SKAP1: variants seen among roughly 807,000 people sequenced by gnomAD.
The protein encoded by SKAP1 is src kinase-associated phosphoprotein 1.
SKAP1 carries 44 observed loss-of-function variants against 58.5 expected under a neutral mutation model. The ratio of observed to expected loss-of-function variants is 0.75; its 90% CI spans 0.59 to 0.97. The LOEUF (loss-of-function observed/expected upper bound fraction) is 0.97. Among genes scored for constraint, SKAP1 ranks in the 50% least tolerant of loss-of-function variants. SKAP1 has a pLI of 0.00. For synonymous variants in SKAP1, 127 were observed against 149.7 expected (o/e 0.85, Z 1.11); for missense variants, 390 against 435.2 (o/e 0.90, Z 0.92).
intron 5 of SKAP1, 94 bp from the exon 6 acceptor site, chr17:48,188,020 G>T: frequency 1.1e-6 from 1 of 895,126 alleles, no homozygotes; most frequent in Non-Finnish European, 1.8e-6. Context: ...GTGTGTTATT[G>T]TTTTATTTCC....
chr17:48,232,788 A>G (rs755608789), intron 4 of SKAP1, among the ~76,000 whole-genome samples: 1 of 152,216 alleles, frequency 6.6e-6, no homozygotes, highest in Admixed American at 6.5e-5. Flanking sequence ...AGTGCCTGAC[A>G]AAAGACCGTT....
At chr17:48,200,980 T>C (rs985036938) in intron 4 of SKAP1, among the ~76,000 whole-genome samples, 3 of 152,200 alleles carry the variant, frequency 2.0e-5, no homozygotes, top group East Asian at 1.9e-4. Flanking sequence ...GAATGCAATA[T>C]GGAAGTGAAT....
intron 1 of SKAP1, among the ~76,000 whole-genome samples, chr17:48,407,199 G>C (rs2067597239): frequency 6.6e-6 from 1 of 152,186 alleles, no homozygotes; most frequent in African/African-American, 2.4e-5. Flanking sequence ...GCATCATGGA[G>C]TGACAAATTC....
At chr17:48,233,274 C>A (rs1210673237) in intron 4 of SKAP1, among the ~76,000 whole-genome samples, 2 of 152,070 alleles carry the variant, frequency 1.3e-5, no homozygotes, top group Non-Finnish European at 2.9e-5. Flanking sequence ...TTAAATGGGG[C>A]TACTTTGCAA....
intron 4 of SKAP1, among the ~76,000 whole-genome samples, chr17:48,282,726 G>T (rs1054467766): frequency 6.6e-6 from 1 of 151,900 alleles, no homozygotes. Flanking sequence ...GTGAGCCAAG[G>T]TCGTCTCGCT....
At chr17:48,179,092 G>A (rs1426463890) in intron 9 of SKAP1, among the ~76,000 whole-genome samples, 1 of 152,212 alleles carries the variant, frequency 6.6e-6, no homozygotes, top group African/African-American at 2.4e-5. Flanking sequence ...AACCAGCCCT[G>A]TCTTCAGGGA....
At chr17:48,275,889 G>A (rs1207826686) in intron 4 of SKAP1, among the ~76,000 whole-genome samples, 1 of 152,192 alleles carries the variant, frequency 6.6e-6, no homozygotes, top group Non-Finnish European at 1.5e-5. Flanking sequence ...AGTAACACAA[G>A]AGGTGGGTGA....
At chr17:48,245,125 T>TG (rs953206086) in intron 4 of SKAP1, among the ~76,000 whole-genome samples, 1 of 152,190 alleles carries the variant, frequency 6.6e-6, no homozygotes, top group Non-Finnish European at 1.5e-5. Flanking sequence ...GAAGTACTGC[T>TG]GGCAGCTCCA....
chr17:48,147,051 A>G (rs2063841479), intron 11 of SKAP1, among the ~76,000 whole-genome samples: 1 of 152,218 alleles, frequency 6.6e-6, no homozygotes, highest in Non-Finnish European at 1.5e-5. Context: ...TAACAGAAAC[A>G]TTCTCTTTTC....
intron 11 of SKAP1, among the ~76,000 whole-genome samples, chr17:48,142,029 C>T (rs1467405951): frequency 6.6e-6 from 1 of 152,228 alleles, no homozygotes; most frequent in Admixed American, 6.5e-5. Context: ...TGTGATTACA[C>T]TGCCTTCTAT....
intron 4 of SKAP1, among the ~76,000 whole-genome samples, chr17:48,313,167 G>A (rs2066245735): frequency 6.6e-6 from 1 of 151,866 alleles, no homozygotes; most frequent in African/African-American, 2.4e-5. Flanking sequence ...GGAGGGCGCG[G>A]CTGGTGTGAA....
intron 1 of SKAP1, among the ~76,000 whole-genome samples, chr17:48,423,862 T>C (rs573612244): frequency 6.6e-6 from 1 of 152,112 alleles, no homozygotes; most frequent in South Asian, 2.1e-4. Context: ...GCTCAAGTGA[T>C]CCTCCCACCT....
intron 4 of SKAP1, among the ~76,000 whole-genome samples, chr17:48,253,501 G>T (rs535575141): frequency 1.3e-5 from 2 of 152,118 alleles, no homozygotes; most frequent in Non-Finnish European, 2.9e-5. Context: ...AAAATTACAC[G>T]TGGCATTTCT....
At chr17:48,254,203 T>C (rs1369170946) in intron 4 of SKAP1, among the ~76,000 whole-genome samples, 1 of 152,152 alleles carries the variant, frequency 6.6e-6, no homozygotes, top group African/African-American at 2.4e-5. Flanking sequence ...AAAATAACAC[T>C]AGGAAAACTT....
intron 4 of SKAP1, among the ~76,000 whole-genome samples, chr17:48,322,990 G>A (rs1329026880): frequency 2.0e-5 from 3 of 152,030 alleles, no homozygotes; most frequent in African/African-American, 7.2e-5. Context: ...CAGCTACCCA[G>A]GAGGCTAAGG....
At chr17:48,261,266 A>G (rs1301051838) in intron 4 of SKAP1, among the ~76,000 whole-genome samples, 2 of 152,182 alleles carry the variant, frequency 1.3e-5, no homozygotes, top group East Asian at 3.8e-4. Context: ...TGCTGTGGAC[A>G]GTAAAGAATC....
chr17:48,184,217 G>A (rs567861326), intron 7 of SKAP1, among the ~76,000 whole-genome samples: 12 of 152,096 alleles, frequency 7.9e-5, no homozygotes, highest in South Asian at 4.2e-4. Context: ...TGTTACTATC[G>A]TCACCAATAT....
chr17:48,294,155 G>A (rs1188167822), intron 4 of SKAP1, among the ~76,000 whole-genome samples: 1 of 152,066 alleles, frequency 6.6e-6, no homozygotes, highest in Non-Finnish European at 1.5e-5. Flanking sequence ...GGCTCTCATT[G>A]AAATTTCATT....
chr17:48,324,650 A>G (rs1203519812), intron 4 of SKAP1, among the ~76,000 whole-genome samples: 2 of 152,114 alleles, frequency 1.3e-5, no homozygotes, highest in African/African-American at 4.8e-5. Context: ...ATTCTGTTGC[A>G]TGGTAGTAGC....
Sources: allele counts gnomAD v4.1 joint callset (sites outside exome capture counted in the v4.1 genomes callset), GRCh38; gene constraint gnomAD v4.1.1; transcripts MANE v1.5; gene names NCBI Gene and HGNC (gene_info 2026-07-23, HGNC 2026-07-21).